The following ATF7IP2 variants were observed in gnomAD, a reference collection of about 807,000 sequenced individuals.
The protein encoded by ATF7IP2 is activating transcription factor 7 interacting protein 2.
ATF7IP2 carries 42 observed loss-of-function variants against 64.2 expected under a neutral mutation model. The observed-to-expected ratio is 0.65, with a 90% CI of 0.51 to 0.85. ATF7IP2 has a LOEUF of 0.85. ATF7IP2 is among the 40% of genes least tolerant of loss of function. ATF7IP2 has a pLI of 0.00. For synonymous variants in ATF7IP2, 308 were observed against 272.8 expected (o/e 1.13, Z -1.27); for missense variants, 933 against 784.2 (o/e 1.19, Z -2.27).
intron 1 of ATF7IP2, among the ~76,000 whole-genome samples, chr16:10,403,260 CA>C (rs2047570530): frequency 6.6e-6 from 1 of 152,112 alleles, no homozygotes; most frequent in South Asian, 2.1e-4. Context: ...GGTGAGTTCT[CA>C]TGACTTCATG....
intron 1 of ATF7IP2, among the ~76,000 whole-genome samples, chr16:10,404,787 C>T (rs1267836653): frequency 1.3e-5 from 2 of 152,090 alleles, no homozygotes; most frequent in Non-Finnish European, 2.9e-5. Flanking sequence ...AAGTAAACCG[C>T]CCACTTTGGC....
At chr16:10,480,661 A>C (rs1036486625) in intron 12 of ATF7IP2, among the ~76,000 whole-genome samples, 11 of 150,648 alleles carry the variant, frequency 7.3e-5, no homozygotes, top group South Asian at 2.1e-4. Context: ...ACAATGTCTA[A>C]AGTGTTTACC....
chr16:10,411,534 C>G (rs1162309197), intron 1 of ATF7IP2, among the ~76,000 whole-genome samples: 1 of 151,912 alleles, frequency 6.6e-6, no homozygotes, highest in African/African-American at 2.4e-5. Context: ...CCATTCCTGG[C>G]TGATTTTGTA....
chr16:10,433,568 T>C lies in ATF7IP2; in HGVS notation c.879T>C (p.Asn293=), dbSNP rs1461560339. 1 of 1,613,224 alleles carries C rather than the reference T, an allele frequency of 6.2e-7. No individual in the cohort carries two copies. The highest frequency in any genetic ancestry group is 8.5e-7 in the Non-Finnish European group (1 of 1,179,338). The change falls in exon 6 of 14, where the codon AAT becomes AAC. Residue 293 remains asparagine (N), a synonymous_variant. Transcript: ENST00000562102. The stretch of plus-strand genomic sequence containing the variant: ...GGATGTTTTCAGAAAACGAGGAAAA[T>C]GTTAAACGCATGAAAACTTCAGAGC... ...KKRMFSENEE[N]VKRMKTSEQI...
At chr16:10,465,616 G>A (rs2049539728) in intron 9 of ATF7IP2, among the ~76,000 whole-genome samples, 1 of 150,640 alleles carries the variant, frequency 6.6e-6, no homozygotes, top group African/African-American at 2.4e-5. Flanking sequence ...GTGTGCACCT[G>A]TAGTCCCAGC....
intron 8 of ATF7IP2, chr16:10,447,953 G>A (rs749634170): frequency 8.5e-5 from 13 of 152,138 alleles, no homozygotes; most frequent in South Asian, 2.1e-4. Context: ...TTTGTATAAC[G>A]TGTAAGGAAG....
intron 1 of ATF7IP2, among the ~76,000 whole-genome samples, chr16:10,391,353 A>G (rs1483603659): frequency 6.6e-6 from 1 of 152,084 alleles, no homozygotes; most frequent in Non-Finnish European, 1.5e-5. Flanking sequence ...CCCAGGAGGC[A>G]GAGGTTGCGG....
chr16:10,427,297 G>A (rs560701970), intron 3 of ATF7IP2, among the ~76,000 whole-genome samples: 28 of 152,180 alleles, frequency 1.8e-4, no homozygotes, highest in Non-Finnish European at 2.9e-4. Context: ...ATAGTAATTA[G>A]GGAAACCCAA....
At chr16:10,398,906 G>C (rs926133216) in intron 1 of ATF7IP2, among the ~76,000 whole-genome samples, 3 of 152,134 alleles carry the variant, frequency 2.0e-5, no homozygotes, top group Admixed American at 1.3e-4. Flanking sequence ...CTGAGGTCAG[G>C]AGTTCAAGAC....
At chr16:10,390,531 C>T (rs1239590736) in intron 1 of ATF7IP2, among the ~76,000 whole-genome samples, 2 of 152,052 alleles carry the variant, frequency 1.3e-5, no homozygotes, top group East Asian at 1.9e-4. Context: ...GCCTGTAATC[C>T]CACCACTTTG....
chr16:10,428,802 C>A (rs745630969), intron 3 of ATF7IP2, 66 bp from the exon 4 acceptor site: 1 of 152,108 alleles, frequency 6.6e-6, no homozygotes, highest in Admixed American at 6.5e-5. Context: ...CACTTTTCTC[C>A]TGTCAAAAAT....
At chr16:10,441,129 T>C (rs1439565183) in intron 8 of ATF7IP2, among the ~76,000 whole-genome samples, 1 of 152,220 alleles carries the variant, frequency 6.6e-6, no homozygotes, top group Non-Finnish European at 1.5e-5. Flanking sequence ...AAGTGCCACA[T>C]TGTCTTTATC....
intron 1 of ATF7IP2, among the ~76,000 whole-genome samples, chr16:10,413,412 G>A (rs1037142130): frequency 5.3e-5 from 8 of 152,014 alleles, no homozygotes; most frequent in Non-Finnish European, 7.4e-5. Context: ...TTTGCCTCCC[G>A]CCATGGTTCT....
chr16:10,473,136 C>T (rs531536913), intron 10 of ATF7IP2, among the ~76,000 whole-genome samples: 5 of 152,258 alleles, frequency 3.3e-5, no homozygotes, highest in African/African-American at 9.6e-5. Context: ...AGGAAGAGTG[C>T]TTCTCAGCCA....
intron 3 of ATF7IP2, among the ~76,000 whole-genome samples, chr16:10,425,895 A>G (rs527375459): frequency 1.5e-4 from 22 of 149,094 alleles, no homozygotes; most frequent in African/African-American, 5.4e-4. Context: ...CTCCATCTCA[A>G]AAAAAAAAAA....
chr16:10,473,113 T>G (rs2049866489), intron 10 of ATF7IP2, among the ~76,000 whole-genome samples: 2 of 152,194 alleles, frequency 1.3e-5, no homozygotes, highest in East Asian at 3.8e-4. Context: ...ATCTTAGGCT[T>G]CCTACTGGTT....
At chr16:10,408,842 A>G (rs1479064326) in intron 1 of ATF7IP2, among the ~76,000 whole-genome samples, 1 of 152,150 alleles carries the variant, frequency 6.6e-6, no homozygotes, top group African/African-American at 2.4e-5. Context: ...TCTTTAGTTT[A>G]ATTAAGTCCT....
At chr16:10,424,274 A>G (rs1048613909) in intron 3 of ATF7IP2, among the ~76,000 whole-genome samples, 6 of 152,168 alleles carry the variant, frequency 3.9e-5, no homozygotes, top group Non-Finnish European at 7.3e-5. Context: ...ACTGCTGCAG[A>G]GATTTTGTTT....
chr16:10,469,394 C>A (rs2049704449), intron 9 of ATF7IP2, among the ~76,000 whole-genome samples: 1 of 151,994 alleles, frequency 6.6e-6, no homozygotes, highest in Non-Finnish European at 1.5e-5. Context: ...TTTGAAGATA[C>A]AGTGTCTGAA....
Sources: allele counts gnomAD v4.1 joint callset (sites outside exome capture counted in the v4.1 genomes callset), GRCh38; gene constraint gnomAD v4.1.1; transcripts MANE v1.5; gene names NCBI Gene and HGNC (gene_info 2026-07-23, HGNC 2026-07-21).